The following PRKCZ variants were observed in gnomAD, a reference collection of about 807,000 sequenced individuals.
PRKCZ encodes protein kinase C zeta type.
A neutral mutation model predicts 79.5 loss-of-function variants in PRKCZ; 33 were observed. That is an observed-to-expected ratio of 0.41 (90% CI 0.31 to 0.55). The LOEUF is 0.55. Among genes scored for constraint, PRKCZ ranks in the 20% least tolerant of loss-of-function variants. PRKCZ has a pLI of 0.19. For synonymous variants in PRKCZ, 342 were observed against 320.9 expected, an observed-to-expected ratio of 1.07 and a Z score of -0.70; for missense variants, 578 against 813.5, an observed-to-expected ratio of 0.71 and a Z score of 3.52.
At chr1:2,095,058 C>T (rs919699039) in intron 4 of PRKCZ, among the ~76,000 whole-genome samples, 1 of 152,176 alleles carries the variant, frequency 6.6e-6, no homozygotes, top group Non-Finnish European at 1.5e-5. Context: ...ACACCCCAGG[C>T]CCCGTAGCAG....
At position 2,069,056 on chromosome 1, in the gene PRKCZ, C is replaced by T. The variant is rs949885594; in HGVS notation, c.334+9465C>T. Among the ~76,000 whole-genome samples, 15 of 152,336 alleles carry T rather than the reference C, an allele frequency of 9.8e-5. No individual in the cohort carries two copies. The East Asian group carries it at 2.3e-3, about 23-fold the overall frequency. ...ACGGGGACACGTGGCCTGGTTCCTG[C>T]TGGTCACCACCCCGCCAGCCACATC... On this transcript the variant is annotated intron_variant, in intron 4 of 17. Transcript: ENST00000378567.
intron 10 of PRKCZ, among the ~76,000 whole-genome samples, chr1:2,161,564 G>T (rs546558436): frequency 6.6e-6 from 1 of 152,228 alleles, no homozygotes; most frequent in East Asian, 1.9e-4. Flanking sequence ...GGCCACACAG[G>T]ACTGTGCAGA....
intron 9 of PRKCZ, among the ~76,000 whole-genome samples, chr1:2,153,251 A>G (rs1408650911): frequency 6.6e-6 from 1 of 152,212 alleles, no homozygotes; most frequent in Admixed American, 6.5e-5. Context: ...GGCTTCTGGT[A>G]TTTTTGGTCT....
intron 4 of PRKCZ, among the ~76,000 whole-genome samples, chr1:2,067,469 T>A (rs1661216539): frequency 6.6e-6 from 1 of 152,156 alleles, no homozygotes; most frequent in Non-Finnish European, 1.5e-5. Flanking sequence ...CCTGGTTTTT[T>A]GGGGGAGGTG....
intron 10 of PRKCZ, among the ~76,000 whole-genome samples, chr1:2,159,624 G>GGC (rs1279040993): frequency 1.3e-5 from 2 of 152,192 alleles, no homozygotes; most frequent in African/African-American, 4.8e-5. Flanking sequence ...TGCCTCTTCT[G>GGC]GCCGGCCATG....
In PRKCZ at chr1:2,144,173, G is replaced by A. The variant is rs370505833; in HGVS notation, c.421-37G>A. On this transcript the variant is annotated intron_variant, in intron 5 of 17. Transcript: ENST00000378567. ...GCCTGTCCTCTCCGCTGGCCCCTCA[G>A]TGTGGCCTGGGCCTGACGCTCTGTT... 236 of 1,546,226 alleles carry A rather than the reference G, an allele frequency of 1.5e-4. No homozygotes were observed. In the African/African-American group the frequency reaches 3.0e-3, roughly 19 times the overall value.
rs562294165 is a variant in PRKCZ at position 2,068,043 on chromosome 1, G to A, written c.334+8452G>A. 7.2e-5 allele frequency among the ~76,000 whole-genome samples: 11 copies of A among 152,342 alleles called. No homozygotes were observed. The South Asian group carries it at 1.9e-3, about 26-fold the overall frequency. Reference sequence around the variant, plus strand: ...TCCCTCAGGCCACGGGACTCTGGACGTGTGGCGGCCCTGTCGGCCTGAGCC... The same window carrying A: ...TCCCTCAGGCCACGGGACTCTGGACATGTGGCGGCCCTGTCGGCCTGAGCC... On this transcript the variant is annotated intron_variant, in intron 4 of 17. Transcript: ENST00000378567.
At chr1:2,119,598 C>T (rs1049117994) in intron 4 of PRKCZ, among the ~76,000 whole-genome samples, 11 of 152,104 alleles carry the variant, frequency 7.2e-5, no homozygotes, top group African/African-American at 2.4e-4. Context: ...GTAAATTCTA[C>T]GTGTATTTCA....
intron 4 of PRKCZ, among the ~76,000 whole-genome samples, chr1:2,062,803 A>T (rs1266719883): frequency 1.3e-5 from 2 of 148,890 alleles, no homozygotes; most frequent in Non-Finnish European, 2.9e-5. Context: ...TTAGCCATTA[A>T]AATTTAAAGG....
chr1:2,064,678 G>A (rs538282575), intron 4 of PRKCZ, among the ~76,000 whole-genome samples: 1 of 152,124 alleles, frequency 6.6e-6, no homozygotes, highest in African/African-American at 2.4e-5. Flanking sequence ...TATATGGGAG[G>A]GTTCATTTGT....
At chr1:2,161,854 CCTT>C (rs1557710736) in intron 10 of PRKCZ, among the ~76,000 whole-genome samples, 1 of 151,982 alleles carries the variant, frequency 6.6e-6, no homozygotes, top group Non-Finnish European at 1.5e-5. Context: ...CCTGGAGTCT[CCTT>C]AGTTGAAGGA....
chr1:2,126,988 C>T lies in PRKCZ; in HGVS notation c.335-8274C>T, dbSNP rs537741718. Among the ~76,000 whole-genome samples, 14 of 152,336 alleles carry T rather than the reference C, an allele frequency of 9.2e-5. No homozygotes were observed. In the South Asian group the frequency reaches 1.7e-3, roughly 18 times the overall value. On this transcript the variant is annotated intron_variant, in intron 4 of 17. Transcript: ENST00000378567. ...GGTCCGTGTGTCCCACGTGCCTAGA[C>T]GTGAGAGGACGGAAGTCGGCAGAGC...
chr1:2,117,998 CTTT>C (rs1553152756), intron 4 of PRKCZ, among the ~76,000 whole-genome samples: 2 of 65,058 alleles, frequency 3.1e-5, no homozygotes, highest in Non-Finnish European at 5.4e-5. Flanking sequence ...CCTATTATTT[CTTT>C]TTTTTTTTTT....
intron 11 of PRKCZ, among the ~76,000 whole-genome samples, chr1:2,170,588 C>T (rs1187427867): frequency 6.6e-6 from 1 of 152,180 alleles, no homozygotes; most frequent in Admixed American, 6.5e-5. Context: ...CCCGTCTCAT[C>T]TCCAGAGCAC....
chr1:2,087,075 T>TC (rs1664653953), intron 4 of PRKCZ, among the ~76,000 whole-genome samples: 1 of 152,200 alleles, frequency 6.6e-6, no homozygotes, highest in East Asian at 1.9e-4. Context: ...TTAGTGTATT[T>TC]CCCCATTCTT....
At chr1:2,126,314 TG>T (rs927639114) in intron 4 of PRKCZ, among the ~76,000 whole-genome samples, 3 of 152,186 alleles carry the variant, frequency 2.0e-5, no homozygotes, top group Non-Finnish European at 4.4e-5. Flanking sequence ...TCTGCTGACC[TG>T]GGCTGCAGGG....
In PRKCZ at chr1:2,082,072, T is replaced by A. The variant is rs996581637; in HGVS notation, c.334+22481T>A. Among the ~76,000 whole-genome samples the A allele has an allele frequency of 6.6e-6, 1 of 152,258 alleles. No homozygotes were observed. The highest frequency in any genetic ancestry group is 1.5e-5 in the Non-Finnish European group (1 of 68,044). ...TGCCGTGGTTCCGATCGACTCCGAATAGGACACCACACAGTCGTGCCAAGA... is the reference window on the plus strand; with the variant it reads ...TGCCGTGGTTCCGATCGACTCCGAAAAGGACACCACACAGTCGTGCCAAGA... On this transcript the variant is annotated intron_variant, in intron 4 of 17. Transcript: ENST00000378567. The surrounding 1 kb of genome is among the most constrained non-coding windows in gnomAD (Gnocchi z 4.4).
At chr1:2,071,398 CT>C (rs920600063) in intron 4 of PRKCZ, 2 of 426,040 alleles carry the variant, frequency 4.7e-6, no homozygotes, top group Non-Finnish European at 9.3e-6. Flanking sequence ...GCGCGACCGC[CT>C]GTGGAACAGT....
chr1:2,058,334 T>C (rs1047168880), intron 3 of PRKCZ, among the ~76,000 whole-genome samples: 7 of 148,502 alleles, frequency 4.7e-5, no homozygotes, highest in South Asian at 2.1e-4. Context: ...TTTTTTGATA[T>C]TCAGACGTGG....
Sources: gnomAD v4.1 joint callset for allele counts (sites outside exome capture counted in the v4.1 genomes callset) on GRCh38, gnomAD v4.1.1 for gene constraint, Gnocchi (gnomAD v3.1) non-coding constraint, MANE v1.5 for transcripts, NCBI Gene and HGNC (gene_info 2026-07-23, HGNC 2026-07-21) for gene names.